The following PTPRK variants were observed in gnomAD, a reference collection of about 807,000 sequenced individuals.
PTPRK encodes receptor-type tyrosine-protein phosphatase kappa.
PTPRK carries 75 observed loss-of-function variants against 178.0 expected under a neutral mutation model. That is an observed-to-expected ratio of 0.42 (90% CI 0.35 to 0.51). The LOEUF is 0.51. Among genes scored for constraint, PTPRK ranks in the 20% least tolerant of loss-of-function variants. The pLI, the probability that PTPRK is intolerant of heterozygous loss-of-function variation, is 0.02. For missense variants in PTPRK, 1,441 were observed against 1,797.8 expected (o/e 0.80, Z 3.59); for synonymous variants, 637 against 620.6 (o/e 1.03, Z -0.39).
chr6:128,310,462 T>TAA, intron 3 of PTPRK, among the ~76,000 whole-genome samples: 1 of 151,894 alleles, frequency 6.6e-6, no homozygotes, highest in Admixed American at 6.6e-5. Context: ...AACAAAAAAC[T>TAA]CCGAACAAGG....
At position 127,991,290 on chromosome 6, in the gene PTPRK, T is replaced by C; in HGVS notation, c.2979+4A>G. On this transcript the variant is annotated splice_donor_region_variant and intron_variant, in intron 20 of 29. Transcript: ENST00000368226. ...GACAAAAAAATTCTTTTTCTTCCTC[T>C]TACCCGGCCAACCTCAACTAAATTT... 1 of 1,589,200 alleles carries C rather than the reference T, an allele frequency of 6.3e-7. No homozygotes were observed. Among genetic ancestry groups the C allele is most frequent in the Non-Finnish European group, 8.6e-7 (1 of 1,169,254 alleles).
chr6:128,302,492 A>G (rs554818770), intron 3 of PTPRK, among the ~76,000 whole-genome samples: 1 of 151,968 alleles, frequency 6.6e-6, no homozygotes, highest in East Asian at 1.9e-4. Flanking sequence ...TACTCAAAAC[A>G]TGCATTTGGA....
chr6:128,477,717 A>G lies in PTPRK; in HGVS notation c.100+42542T>C, dbSNP rs149012574. On this transcript the variant is annotated intron_variant, in intron 1 of 29. Transcript: ENST00000368226. ...AGAAATGAAAAACTGTGTAACATGT[A>G]GCTGATATTTGTGATTAAAAAAATG... Among the ~76,000 whole-genome samples the G allele has an allele frequency of 5.2e-3, 792 of 152,312 alleles. 4 individuals are homozygous for G. The highest frequency in any genetic ancestry group is 0.01 in the Middle Eastern group (3 of 294).
intron 7 of PTPRK, among the ~76,000 whole-genome samples, chr6:128,127,685 C>G (rs1396404942): frequency 6.6e-6 from 1 of 152,064 alleles, no homozygotes; most frequent in Admixed American, 6.5e-5. Flanking sequence ...AGCATGCAAA[C>G]TAAAGGAAAA....
At chr6:128,418,279 C>T (rs1158472763) in intron 1 of PTPRK, among the ~76,000 whole-genome samples, 3 of 152,184 alleles carry the variant, frequency 2.0e-5, no homozygotes, top group Non-Finnish European at 4.4e-5. Context: ...CTAGAGGTCG[C>T]AGTCCTCATT....
chr6:128,099,672 G>A (rs1788470538), intron 7 of PTPRK, among the ~76,000 whole-genome samples: 1 of 152,006 alleles, frequency 6.6e-6, no homozygotes, highest in African/African-American at 2.4e-5. Context: ...CACCTCATTT[G>A]ATTTTATAAA....
intron 7 of PTPRK, among the ~76,000 whole-genome samples, chr6:128,146,393 T>C (rs1796485423): frequency 1.3e-5 from 2 of 151,794 alleles, no homozygotes; most frequent in African/African-American, 4.8e-5. Context: ...TACCATACTG[T>C]TTGTGTGTGT....
chr6:128,284,652 C>T (rs1319333640), intron 3 of PTPRK, among the ~76,000 whole-genome samples: 1 of 152,152 alleles, frequency 6.6e-6, no homozygotes, highest in Non-Finnish European at 1.5e-5. Flanking sequence ...ATGATATTTA[C>T]AGAAAAGATG....
chr6:128,449,819 G>A (rs1847523856), intron 1 of PTPRK, among the ~76,000 whole-genome samples: 1 of 152,064 alleles, frequency 6.6e-6, no homozygotes, highest in Non-Finnish European at 1.5e-5. Context: ...AAGCTGGCTG[G>A]GTGCGGTGGC....
intron 5 of PTPRK, among the ~76,000 whole-genome samples, chr6:128,235,227 T>C (rs895430008): frequency 1.3e-5 from 2 of 152,118 alleles, no homozygotes; most frequent in Non-Finnish European, 2.9e-5. Flanking sequence ...ATTTGAATAT[T>C]TTTTAAAAGT....
intron 5 of PTPRK, among the ~76,000 whole-genome samples, chr6:128,223,191 T>C (rs1249408987): frequency 6.6e-6 from 1 of 152,022 alleles, no homozygotes; most frequent in African/African-American, 2.4e-5. Context: ...TAATATATAT[T>C]ATCTTTATTT....
At chr6:128,505,090 A>T in intron 1 of PTPRK, among the ~76,000 whole-genome samples, 1 of 149,692 alleles carries the variant, frequency 6.7e-6, no homozygotes. Context: ...AATGATAACA[A>T]CTTAAGAAAT....
At chr6:128,415,162 C>A (rs1260616929) in intron 1 of PTPRK, among the ~76,000 whole-genome samples, 1 of 152,154 alleles carries the variant, frequency 6.6e-6, no homozygotes, top group African/African-American at 2.4e-5. Context: ...CACACACAAC[C>A]TGGCAGAAAA....
intron 1 of PTPRK, among the ~76,000 whole-genome samples, chr6:128,508,100 T>G (rs1430645619): frequency 7.2e-5 from 11 of 152,158 alleles, no homozygotes; most frequent in African/African-American, 2.4e-4. Context: ...ACTTGCCACA[T>G]CTCAGGAGTA....
intron 7 of PTPRK, among the ~76,000 whole-genome samples, chr6:128,145,085 C>G (rs1229898895): frequency 6.6e-6 from 1 of 152,034 alleles, no homozygotes; most frequent in Non-Finnish European, 1.5e-5. Context: ...TTTTAGGCTG[C>G]TTAGGGGAAA....
At chr6:128,250,349 A>G (rs1384934433) in intron 3 of PTPRK, among the ~76,000 whole-genome samples, 2 of 152,206 alleles carry the variant, frequency 1.3e-5, no homozygotes, top group Non-Finnish European at 2.9e-5. Flanking sequence ...AATTAACTCT[A>G]AGTAAACATT....
At chr6:128,343,517 A>T (rs550773266) in intron 2 of PTPRK, among the ~76,000 whole-genome samples, 1 of 150,854 alleles carries the variant, frequency 6.6e-6, no homozygotes, top group Non-Finnish European at 1.5e-5. Context: ...AAAAAAAAAG[A>T]AAAGAAAAAA....
chr6:128,298,252 AAAAGAGTCCAGGACCAG>A (rs1314309102), intron 3 of PTPRK, among the ~76,000 whole-genome samples: 4 of 152,052 alleles, frequency 2.6e-5, no homozygotes, highest in Non-Finnish European at 1.5e-5. Flanking sequence ...TTACCAACCA[AAAAGAGTCCAGGACCAG>A]ATGGATTCAC....
chr6:128,321,797 G>T, intron 3 of PTPRK: 1 of 708,108 alleles, frequency 1.4e-6, no homozygotes, highest in South Asian at 1.5e-5. Flanking sequence ...CTAGTTTGAA[G>T]GTTTTGTGCC....
Sources: gnomAD v4.1 joint callset for allele counts (sites outside exome capture counted in the v4.1 genomes callset) on GRCh38, gnomAD v4.1.1 for gene constraint, MANE v1.5 for transcripts, NCBI Gene and HGNC (gene_info 2026-07-23, HGNC 2026-07-21) for gene names.